Variants in PLCG2 observed in about 807,000 individuals in gnomAD.
PLCG2 encodes the protein 1-phosphatidylinositol 4,5-bisphosphate phosphodiesterase gamma-2.
Under a neutral mutation model 175.6 loss-of-function variants are expected in PLCG2, and 69 were observed. The ratio of observed to expected loss-of-function variants is 0.39; its 90% CI spans 0.32 to 0.48. The LOEUF (loss-of-function observed/expected upper bound fraction) is 0.48. Among genes scored for constraint, PLCG2 ranks in the 20% least tolerant of loss-of-function variants. The probability of loss-of-function intolerance (pLI) is 0.91; values close to 1 mark genes in which losing one functional copy is unlikely to be tolerated. For missense variants in PLCG2, 1,798 were observed against 1,650.9 expected (o/e 1.09, Z -1.54); for synonymous variants, 827 against 624.0 (o/e 1.33, Z -4.85).
rs146332745 is a variant in PLCG2, at chr16:81,930,863, G to A, written c.2582-634G>A. Among the ~76,000 whole-genome samples, 474 of 151,962 alleles carry A rather than the reference G, an allele frequency of 3.1e-3. 2 individuals carry two copies. Among genetic ancestry groups the A allele is most frequent in the African/African-American group, 0.011 (462 of 41,452 alleles). On this transcript the variant is annotated intron_variant, in intron 24 of 32. Transcript: ENST00000564138. ...AGTGAAACAGTTCACAAAATTTTAT[G>A]TATTGTATGTAAACATTTTGTAAAA...
chr16:81,932,528 T>G (rs1178389148), intron 25 of PLCG2, among the ~76,000 whole-genome samples: 1 of 152,218 alleles, frequency 6.6e-6, no homozygotes, highest in Non-Finnish European at 1.5e-5. Flanking sequence ...AAAGCCTTCC[T>G]GGGGCCTCTT....
intron 22 of PLCG2, among the ~76,000 whole-genome samples, chr16:81,925,948 T>C (rs1244704471): frequency 6.6e-6 from 1 of 151,816 alleles, no homozygotes; most frequent in Non-Finnish European, 1.5e-5. Flanking sequence ...TGTATAATTA[T>C]ACGTTAAGTA....
intron 2 of PLCG2, among the ~76,000 whole-genome samples, chr16:81,844,150 T>TTTC (rs1387996272): frequency 4.2e-5 from 6 of 141,946 alleles, no homozygotes; most frequent in Non-Finnish European, 7.5e-5. Flanking sequence ...CTGATTTTTT[T>TTTC]TTTTTTTTTT....
At chr16:81,935,172 G>A (rs572879695) in intron 26 of PLCG2, among the ~76,000 whole-genome samples, 1 of 152,312 alleles carries the variant, frequency 6.6e-6, no homozygotes, top group African/African-American at 2.4e-5. Context: ...CAGGGTGCCA[G>A]CAGGGCTGTG....
chr16:81,805,805 A>G (rs76782102), intron 2 of PLCG2, among the ~76,000 whole-genome samples: 2,670 of 41,986 alleles, frequency 0.064, 150 homozygotes, highest in African/African-American at 0.19. Flanking sequence ...TTTTGCTGTT[A>G]TTGTTGTTTT....
chr16:81,926,516 GAAT>G (rs759695002), intron 22 of PLCG2, among the ~76,000 whole-genome samples: 1 of 152,212 alleles, frequency 6.6e-6, no homozygotes, highest in African/African-American at 2.4e-5. Flanking sequence ...TGTTTTAGCT[GAAT>G]AATAATAAGA....
intron 7 of PLCG2, among the ~76,000 whole-genome samples, chr16:81,874,676 G>C (rs987492878): frequency 3.9e-5 from 6 of 152,180 alleles, no homozygotes; most frequent in African/African-American, 1.2e-4. Context: ...ACTAAATCCA[G>C]GGAGTGGGTT....
chr16:81,786,525 A>G (rs1372556589), intron 2 of PLCG2, among the ~76,000 whole-genome samples: 1 of 152,122 alleles, frequency 6.6e-6, no homozygotes, highest in Non-Finnish European at 1.5e-5. Context: ...CTTTCCTCTT[A>G]AGGGCGAATT....
intron 1 of PLCG2, among the ~76,000 whole-genome samples, chr16:81,750,663 A>ATTTTTGTTTTTTTTTTTTT: frequency 1.5e-5 from 1 of 68,446 alleles, no homozygotes; most frequent in Non-Finnish European, 2.6e-5. Context: ...GGGACTGGAG[A>ATTTTTGTTTTTTTTTTTTT]TTTTTTTTTT....
At chr16:81,786,513 A>G (rs753434691) in intron 2 of PLCG2, among the ~76,000 whole-genome samples, 1 of 152,180 alleles carries the variant, frequency 6.6e-6, no homozygotes, top group Non-Finnish European at 1.5e-5. Flanking sequence ...TGGTCGAGTC[A>G]TCTTTCCTCT....
chr16:81,881,014 A>C lies in PLCG2; in HGVS notation c.692+61A>C, dbSNP rs41305761. 0.15 allele frequency: 237,903 copies of C among 1,543,790 alleles called. 20,240 individuals are homozygous for C. Among genetic ancestry groups the C allele is most frequent in the Non-Finnish European group, 0.18 (199,710 of 1,116,800 alleles). On this transcript the variant is annotated intron_variant, in intron 8 of 32. Transcript: ENST00000564138. ...TGCCGGACCTCGGTGCCTGGTGCCC[A>C]GCCGGCCTCCAGGAGGGGATGCCTG...
At chr16:81,916,810 G>A (rs1034283227) in intron 19 of PLCG2, among the ~76,000 whole-genome samples, 1 of 152,022 alleles carries the variant, frequency 6.6e-6, no homozygotes, top group South Asian at 2.1e-4. Context: ...GCTAAGTTTT[G>A]TATTTTTGGT....
At position 81,855,351 on chromosome 16, in the gene PLCG2, A is replaced by G. The variant is rs1347368610; in HGVS notation, c.337+764A>G. 3.9e-5 allele frequency among the ~76,000 whole-genome samples: 6 copies of G among 152,216 alleles called. No homozygotes were observed. In the East Asian group the frequency reaches 5.8e-4, roughly 15 times the overall value. On this transcript the variant is annotated intron_variant, in intron 3 of 32. Coordinates refer to ENST00000564138, the MANE Select transcript of PLCG2 (RefSeq NM_002661.5). ...ACTTTACTCAGGGGCAGAAGCTTGTATCTACTTTCAAGTTCAGTCCTAGAA... is the reference window on the plus strand; with the variant it reads ...ACTTTACTCAGGGGCAGAAGCTTGTGTCTACTTTCAAGTTCAGTCCTAGAA...
At chr16:81,957,668 G>T (rs1191916183) in intron 32 of PLCG2, among the ~76,000 whole-genome samples, 4 of 152,018 alleles carry the variant, frequency 2.6e-5, no homozygotes, top group African/African-American at 9.7e-5. Flanking sequence ...AATCCTAATA[G>T]TAGCCACCAA....
chr16:81,927,157 C>T lies in PLCG2; in HGVS notation c.2493C>T (p.Asp831=). Residue 831 remains aspartate, a synonymous_variant, in exon 23 of 33, where the codon GAC becomes GAT. Transcript: ENST00000564138. ...ACGTCGAGGACATCTCAACTGCAGA[C>T]TTCGAGGAGCTAGAAAAGCAGGTGA... The part of the protein sequence containing the change: ...SNYVEDISTA[D]FEELEKQIIE... 6.2e-7 allele frequency: 1 copy of T among 1,612,194 alleles called. No individual in the cohort carries two copies. Among genetic ancestry groups the T allele is most frequent in the Non-Finnish European group, 8.5e-7 (1 of 1,178,192 alleles).
chr16:81,908,687 G>A, intron 17 of PLCG2, 96 bp downstream of exon 17: 2 of 1,081,926 alleles, frequency 1.8e-6, no homozygotes, highest in Non-Finnish European at 2.6e-6. Context: ...GAATTGGGCA[G>A]GCTGGGACCT....
intron 2 of PLCG2, among the ~76,000 whole-genome samples, chr16:81,821,296 A>G (rs1212061413): frequency 1.3e-5 from 2 of 152,244 alleles, no homozygotes; most frequent in Non-Finnish European, 2.9e-5. Flanking sequence ...TATCATAGTA[A>G]TAATAATGGA....
chr16:81,761,434 C>G (rs1910039049), intron 2 of PLCG2, among the ~76,000 whole-genome samples: 1 of 152,176 alleles, frequency 6.6e-6, no homozygotes, highest in Admixed American at 6.5e-5. Flanking sequence ...TGTAATTCTT[C>G]TGATTATAAC....
chr16:81,817,780 C>G (rs1351065182), intron 2 of PLCG2, among the ~76,000 whole-genome samples: 1 of 152,248 alleles, frequency 6.6e-6, no homozygotes, highest in East Asian at 1.9e-4. Flanking sequence ...AGCCCCTGCA[C>G]TCGGTTGTGA....
Sources: allele counts gnomAD v4.1 joint callset (sites outside exome capture counted in the v4.1 genomes callset), GRCh38; gene constraint gnomAD v4.1.1; transcripts MANE v1.5; gene names NCBI Gene and HGNC (gene_info 2026-07-23, HGNC 2026-07-21).